Variants in SYNDIG1L observed in about 807,000 individuals in gnomAD.
The protein encoded by SYNDIG1L is synapse differentiation inducing 1 like, also known as synapse differentiation-inducing gene protein 1-like.
In SYNDIG1L, 13 loss-of-function variants were observed where a neutral mutation model predicts 20.1. That is an observed-to-expected ratio of 0.65 (90% CI 0.42 to 1.03). SYNDIG1L has a LOEUF of 1.03. Among genes scored for constraint, SYNDIG1L ranks in the 50% least tolerant of loss-of-function variants. The pLI, the probability that SYNDIG1L is intolerant of heterozygous loss-of-function variation, is 0.00. For missense variants in SYNDIG1L, 294 were observed against 305.1 expected, an observed-to-expected ratio of 0.96 and a Z score of 0.27; for synonymous variants, 128 against 129.3, an observed-to-expected ratio of 0.99 and a Z score of 0.07.
At position 74,416,421 on chromosome 14, in the gene SYNDIG1L, C is replaced by G. The variant is rs567794221; in HGVS notation, c.-57-6620G>C. Among the ~76,000 whole-genome samples the G allele has an allele frequency of 1.8e-4, 27 of 152,082 alleles. No homozygotes were observed. The South Asian group carries it at 5.4e-3, about 30-fold the overall frequency. On this transcript the variant is annotated intron_variant, in intron 1 of 3. Coordinates refer to ENST00000331628, the MANE Select transcript of SYNDIG1L (RefSeq NM_001105579.2). ...GGCCAAGGTGGGTGGATCAGTTGAG[C>G]CTAGGAGTTCAAGACCAGCCTGGGC... is the stretch of plus-strand genomic sequence containing the variant.
the SYNDIG1L span, among the ~76,000 whole-genome samples, chr14:74,478,340 A>G: frequency 6.6e-6 from 1 of 152,258 alleles, no homozygotes; most frequent in Non-Finnish European, 1.5e-5. Context: ...AATGAAAGAT[A>G]TACAGTATTA....
At chr14:74,432,118 C>T in the SYNDIG1L span, among the ~76,000 whole-genome samples, 4 of 147,950 alleles carry the variant, frequency 2.7e-5, no homozygotes, top group Non-Finnish European at 6.0e-5. Flanking sequence ...CCCAAGGACT[C>T]TCCTCTTCTT....
chr14:74,458,235 T>C, the SYNDIG1L span, among the ~76,000 whole-genome samples: 2 of 152,158 alleles, frequency 1.3e-5, no homozygotes, highest in Admixed American at 1.3e-4. Context: ...TATGTCAGGC[T>C]CTATGCTAGG....
intron 1 of SYNDIG1L, among the ~76,000 whole-genome samples, chr14:74,411,964 G>A (rs1456924624): frequency 1.3e-5 from 2 of 152,212 alleles, no homozygotes; most frequent in African/African-American, 4.8e-5. Context: ...GGGCCCTGCT[G>A]ATGCATTAAC....
the SYNDIG1L span, among the ~76,000 whole-genome samples, chr14:74,451,236 A>T: frequency 6.6e-6 from 1 of 152,254 alleles, no homozygotes; most frequent in African/African-American, 2.4e-5. Flanking sequence ...ATAGTCAGTT[A>T]ACCAGAATTC....
chr14:74,419,260 T>C (rs1291712054), intron 1 of SYNDIG1L, among the ~76,000 whole-genome samples: 1 of 152,196 alleles, frequency 6.6e-6, no homozygotes, highest in Non-Finnish European at 1.5e-5. Flanking sequence ...AGTCTCTATT[T>C]ATATATGTGT....
At chr14:74,432,855 A>G in the SYNDIG1L span, among the ~76,000 whole-genome samples, 1 of 149,696 alleles carries the variant, frequency 6.7e-6, no homozygotes, top group Non-Finnish European at 1.5e-5. Context: ...TTCTGTCTCA[A>G]AAAAAAAAAG....
chr14:74,462,209 C>A, the SYNDIG1L span, among the ~76,000 whole-genome samples: 1 of 151,488 alleles, frequency 6.6e-6, no homozygotes, highest in South Asian at 2.1e-4. Context: ...GTTGGCCAGG[C>A]GCTGTGGCTC....
At position 74,426,043 on chromosome 14, in the gene SYNDIG1L, T is replaced by A. The variant is rs569970275; in HGVS notation, c.-189A>T. 4.7e-4 allele frequency: 72 copies of A among 151,966 alleles called. No individual in the cohort carries two copies. Among genetic ancestry groups the A allele is most frequent in the African/African-American group, 1.6e-3 (68 of 41,246 alleles). 9.4% of individuals were successfully genotyped at this position (151,966 alleles called of 1,614,324 possible). On this transcript the variant is annotated 5_prime_UTR_variant, in exon 1 of 4. Coordinates refer to ENST00000331628, the MANE Select transcript of SYNDIG1L (RefSeq NM_001105579.2). ...GGGCTCCCCTGCTCTCGTCCCCGCG[T>A]CCCTGAGCAGCCGCCGCTTCAGCAC...
chr14:74,412,538 G>A (rs953476993), intron 1 of SYNDIG1L, among the ~76,000 whole-genome samples: 2 of 152,170 alleles, frequency 1.3e-5, no homozygotes, highest in African/African-American at 2.4e-5. Context: ...TGCCCCCAAG[G>A]AACACCACAG....
At chr14:74,420,529 T>TGAGGAA (rs781105321) in intron 1 of SYNDIG1L, among the ~76,000 whole-genome samples, 3 of 149,428 alleles carry the variant, frequency 2.0e-5, no homozygotes, top group Non-Finnish European at 4.4e-5. Flanking sequence ...TCACTAGAAG[T>TGAGGAA]GAGGAAGAGG....
At chr14:74,434,227 A>G in the SYNDIG1L span, among the ~76,000 whole-genome samples, 6 of 152,192 alleles carry the variant, frequency 3.9e-5, no homozygotes, top group African/African-American at 1.4e-4. Context: ...CACTACCTTA[A>G]AATTATTTTA....
intron 1 of SYNDIG1L, among the ~76,000 whole-genome samples, chr14:74,419,419 G>A (rs2086203875): frequency 6.6e-6 from 1 of 152,210 alleles, no homozygotes; most frequent in African/African-American, 2.4e-5. Flanking sequence ...GAGTGAATTA[G>A]TGAATGGGTG....
chr14:74,444,908 T>C, the SYNDIG1L span, among the ~76,000 whole-genome samples: 2 of 152,220 alleles, frequency 1.3e-5, no homozygotes, highest in African/African-American at 4.8e-5. Context: ...AGTTTTTCCT[T>C]CTAATTTCAG....
chr14:74,431,620 T>A, the SYNDIG1L span, among the ~76,000 whole-genome samples: 1 of 152,014 alleles, frequency 6.6e-6, no homozygotes, highest in Non-Finnish European at 1.5e-5. Flanking sequence ...TGAAGCCGGG[T>A]CTGTGTGATG....
At chr14:74,470,212 T>C in the SYNDIG1L span, among the ~76,000 whole-genome samples, 2 of 152,204 alleles carry the variant, frequency 1.3e-5, no homozygotes, top group Non-Finnish European at 2.9e-5. Context: ...ATTCTTGTTT[T>C]TTCACTCTGT....
chr14:74,463,905 T>G, the SYNDIG1L span, among the ~76,000 whole-genome samples: 4 of 152,108 alleles, frequency 2.6e-5, no homozygotes, highest in Admixed American at 2.0e-4. Flanking sequence ...ACATCTGAGA[T>G]GATTGTTGGG....
the SYNDIG1L span, among the ~76,000 whole-genome samples, chr14:74,444,721 A>G: frequency 2.0e-5 from 3 of 152,066 alleles, no homozygotes; most frequent in Non-Finnish European, 2.9e-5. Flanking sequence ...ACTGTACTCC[A>G]TCCAGCCTGA....
chr14:74,464,310 C>T, the SYNDIG1L span, among the ~76,000 whole-genome samples: 1 of 152,144 alleles, frequency 6.6e-6, no homozygotes, highest in East Asian at 1.9e-4. Flanking sequence ...TAGGGCTCCT[C>T]CTCTGTGCTC....
Sources: allele counts gnomAD v4.1 joint callset (sites outside exome capture counted in the v4.1 genomes callset), GRCh38; gene constraint gnomAD v4.1.1; transcripts MANE v1.5; gene names NCBI Gene and HGNC (gene_info 2026-07-23, HGNC 2026-07-21).